Variants in CAST observed in about 807,000 individuals in gnomAD.
The protein encoded by CAST is calpastatin.
A neutral mutation model predicts 119.6 loss-of-function variants in CAST; 76 were observed. The observed-to-expected ratio is 0.64, with a 90% CI of 0.53 to 0.77. The LOEUF (loss-of-function observed/expected upper bound fraction) is 0.77. CAST is among the 30% of genes least tolerant of loss of function. CAST has a pLI of 0.00. For missense variants in CAST, 953 were observed against 946.5 expected (o/e 1.01, Z -0.09); for synonymous variants, 319 against 331.6 (o/e 0.96, Z 0.41).
chr5:96,613,464 G>T (rs1203320118), intron 1 of CAST, among the ~76,000 whole-genome samples: 2 of 152,042 alleles, frequency 1.3e-5, no homozygotes, highest in Admixed American at 1.3e-4. Context: ...TTCTGTTTAA[G>T]TCTTCACAAC....
chr5:96,759,259 A>G (rs1767116123), intron 24 of CAST, among the ~76,000 whole-genome samples: 1 of 152,196 alleles, frequency 6.6e-6, no homozygotes, highest in Admixed American at 6.5e-5. Flanking sequence ...ATGGCTCATA[A>G]TTAGTGTTCA....
At chr5:96,040,761 G>C in the CAST span, among the ~76,000 whole-genome samples, 3 of 152,136 alleles carry the variant, frequency 2.0e-5, no homozygotes, top group Admixed American at 2.0e-4. Flanking sequence ...ATGTGCTTCT[G>C]AATTCGGTTT....
At chr5:96,524,635 CAGAG>C (rs1231670490), upstream of CAST, among the ~76,000 whole-genome samples, 2 of 152,126 alleles carry the variant, frequency 1.3e-5, no homozygotes, top group Non-Finnish European at 1.5e-5. Context: ...GCCTATTTCT[CAGAG>C]AGCATGAGCA....
At chr5:96,091,156 C>T in the CAST span, among the ~76,000 whole-genome samples, 1 of 151,726 alleles carries the variant, frequency 6.6e-6, no homozygotes. Flanking sequence ...TGAAAGCCAG[C>T]CTTGCTCATT....
At chr5:96,079,758 CTTGG>C in the CAST span, among the ~76,000 whole-genome samples, 2 of 152,134 alleles carry the variant, frequency 1.3e-5, no homozygotes, top group African/African-American at 2.4e-5. Context: ...CTATATACAT[CTTGG>C]TTATTATTAT....
the CAST span, chr5:96,408,281 C>T: frequency 6.2e-7 from 1 of 1,614,116 alleles, no homozygotes; most frequent in Non-Finnish European, 8.5e-7. Context: ...GCCGAGGTGC[C>T]TGTGTGCGTC....
the CAST span, among the ~76,000 whole-genome samples, chr5:96,060,892 G>A: frequency 2.0e-5 from 3 of 152,074 alleles, no homozygotes; most frequent in Non-Finnish European, 4.4e-5. Context: ...GGTCTAGCAG[G>A]GTGGATTTCT....
the CAST span, among the ~76,000 whole-genome samples, chr5:96,457,785 C>T: frequency 6.6e-6 from 1 of 152,238 alleles, no homozygotes; most frequent in Non-Finnish European, 1.5e-5. Flanking sequence ...GAAGCCACCA[C>T]ACCTAACAAA....
intron 1 of CAST, among the ~76,000 whole-genome samples, chr5:96,568,115 C>A (rs1327030410): frequency 6.6e-6 from 1 of 152,026 alleles, no homozygotes; most frequent in Non-Finnish European, 1.5e-5. Context: ...TAGTGAAGAT[C>A]CTTTCGCATT....
the CAST span, among the ~76,000 whole-genome samples, chr5:96,464,763 G>GT: frequency 1.3e-5 from 2 of 152,048 alleles, no homozygotes; most frequent in South Asian, 4.1e-4. Flanking sequence ...AATGTGTATG[G>GT]TAAACACCTG....
At position 96,534,302 on chromosome 5, in the gene CAST, G is replaced by A. The variant is rs191898719; in HGVS notation, c.60+4422G>A. 7.2e-5 allele frequency among the ~76,000 whole-genome samples: 11 copies of A among 152,216 alleles called. 2 individuals are homozygous for A. The highest frequency in any genetic ancestry group is 2.6e-4 in the African/African-American group (11 of 41,530). On this transcript the variant is annotated intron_variant, in intron 1 of 11. Transcript: ENST00000505143. Reference sequence around the variant, plus strand: ...ATGAGATAGATTGATGGATTTAAATGTAACAGAGTATGAAAACTGCAACTA... The same window carrying A: ...ATGAGATAGATTGATGGATTTAAATATAACAGAGTATGAAAACTGCAACTA...
chr5:96,711,470 CATTT>C (rs1185367817), intron 3 of CAST, among the ~76,000 whole-genome samples: 1 of 152,104 alleles, frequency 6.6e-6, no homozygotes, highest in Non-Finnish European at 1.5e-5. Flanking sequence ...ATAAATTTAA[CATTT>C]ATTAATTTAT....
At chr5:96,601,864 T>TTC (rs1747160842) in intron 1 of CAST, among the ~76,000 whole-genome samples, 1 of 152,252 alleles carries the variant, frequency 6.6e-6, no homozygotes, top group Non-Finnish European at 1.5e-5. Context: ...ATAAGCACCG[T>TTC]AATGCTAATT....
In CAST at chr5:96,675,562, A is replaced by G. The variant is rs1750601624; in HGVS notation, c.99A>G (p.Glu33=). 3 of 1,613,538 alleles carry G rather than the reference A, an allele frequency of 1.9e-6. No individual in the cohort carries two copies. The highest frequency in any genetic ancestry group is 2.5e-6 in the Non-Finnish European group (3 of 1,179,478). The change falls in exon 2 of 32, where the codon GAA becomes GAG. Residue 33 remains glutamate, a synonymous_variant. Coordinates refer to ENST00000675179, the MANE Select transcript of CAST (RefSeq NM_001750.7). The stretch of plus-strand genomic sequence containing the variant: ...AGCATGTCAGTGAAAAAACCAGTGA[A>G]TCGCCTTCCAAACCAGGAGAAAAGA... ...THEHVSEKTS[E]SPSKPGEKKG...
the CAST span, among the ~76,000 whole-genome samples, chr5:95,990,504 G>A: frequency 6.6e-6 from 1 of 151,802 alleles, no homozygotes; most frequent in Admixed American, 6.6e-5. Context: ...ATAGTAGAAA[G>A]AAGAAAAAGG....
At chr5:96,049,950 G>GA in the CAST span, among the ~76,000 whole-genome samples, 2 of 140,312 alleles carry the variant, frequency 1.4e-5, no homozygotes, top group African/African-American at 2.6e-5. Flanking sequence ...AGGAGATGAG[G>GA]AAAAAATGGT....
intron 1 of CAST, among the ~76,000 whole-genome samples, chr5:96,663,464 T>G (rs1279771205): frequency 6.6e-6 from 1 of 152,176 alleles, no homozygotes; most frequent in Non-Finnish European, 1.5e-5. Flanking sequence ...GGAACTGGAA[T>G]TGTTGCTGGA....
the CAST span, chr5:96,410,808 G>C: frequency 3.7e-6 from 6 of 1,614,020 alleles, no homozygotes; most frequent in Non-Finnish European, 5.1e-6. Context: ...GCTGCTGTAA[G>C]AGGTGGCCAG....
At chr5:96,602,822 G>C (rs1032777941) in intron 1 of CAST, among the ~76,000 whole-genome samples, 17 of 152,164 alleles carry the variant, frequency 1.1e-4, no homozygotes, top group African/African-American at 3.9e-4. Flanking sequence ...GGTGGTGAAG[G>C]AAAGCCTTTC....
Sources: allele counts gnomAD v4.1 joint callset (sites outside exome capture counted in the v4.1 genomes callset), GRCh38; gene constraint gnomAD v4.1.1; transcripts MANE v1.5; gene names NCBI Gene and HGNC (gene_info 2026-07-23, HGNC 2026-07-21).